The following LMLN variants were observed in gnomAD, a reference collection of about 807,000 sequenced individuals.
LMLN encodes leishmanolysin like peptidase, also known as leishmanolysin-like peptidase.
Under a neutral mutation model 92.3 loss-of-function variants are expected in LMLN, and 70 were observed. The observed-to-expected ratio is 0.76, with a 90% CI of 0.63 to 0.92. The LOEUF (loss-of-function observed/expected upper bound fraction) is 0.92. LMLN is among the 40% of genes least tolerant of loss of function. The pLI is 0.00. For synonymous variants in LMLN, 308 were observed against 296.2 expected, an observed-to-expected ratio of 1.04 and a Z score of -0.41; for missense variants, 691 against 814.6, an observed-to-expected ratio of 0.85 and a Z score of 1.85.
chr3:198,019,339 TGTGTAATTTGCAGAA>T lies in LMLN; in HGVS notation c.1322_1336del (p.Cys441_Lys445del). On this transcript the variant is annotated inframe_deletion, in exon 12 of 16. Coordinates refer to ENST00000330198, the Ensembl canonical transcript of LMLN. The surrounding 1 kb of genome is among the most constrained non-coding windows in gnomAD (Gnocchi z 5.5). ...AGACAGGACCAGAGAGCAGTTGCCG[TGTGTAATTTGCAGAA>T]GTTCCCTAAGCCTTTACCACAGGAA... 1 of 1,614,112 alleles carries T rather than the reference TGTGTAATTTGCAGAA, an allele frequency of 6.2e-7. No homozygotes were observed. The highest frequency in any genetic ancestry group is 8.5e-7 in the Non-Finnish European group (1 of 1,180,008).
rs548442059 is a variant in LMLN at position 197,961,105 on chromosome 3, G to T, written c.219+665G>T. 2.6e-5 allele frequency among the ~76,000 whole-genome samples: 4 copies of T among 152,202 alleles called. No individual in the cohort carries two copies. In the South Asian group the frequency reaches 8.3e-4, roughly 32 times the overall value. On this transcript the variant is annotated intron_variant, in intron 1 of 15. Coordinates refer to ENST00000330198, the Ensembl canonical transcript of LMLN. ...GGCAGCCTGCTGAAACCACCACAGCGCAATATTCTTTTCATTAAAAAGTAC... is the reference window on the plus strand; with the variant it reads ...GGCAGCCTGCTGAAACCACCACAGCTCAATATTCTTTTCATTAAAAAGTAC...
intron 1 of LMLN, among the ~76,000 whole-genome samples, chr3:197,964,948 A>G (rs1003334335): frequency 6.6e-6 from 1 of 150,660 alleles, no homozygotes; most frequent in African/African-American, 2.4e-5. Flanking sequence ...TGGAGTTTGT[A>G]GTGAGCTGAG....
chr3:198,023,328 AC>A (rs1201462629), intron 13 of LMLN, among the ~76,000 whole-genome samples: 15 of 152,054 alleles, frequency 9.9e-5, no homozygotes, highest in African/African-American at 3.6e-4. Context: ...AGCCAGGACT[AC>A]AGGCATGCAC....
exon 1 of LMLN, chr3:197,960,277 A>T (rs760127799): frequency 9.3e-6 from 15 of 1,613,266 alleles, no homozygotes; most frequent in Non-Finnish European, 1.3e-5. Context: ...GGAGTGGGTT[A>T]CTCGGGCTCA....
chr3:197,999,125 A>T, intron 10 of LMLN, 141 bp from the exon 11 acceptor site: 1 of 652,934 alleles, frequency 1.5e-6, no homozygotes, highest in Non-Finnish European at 2.7e-6. Flanking sequence ...TTAAAGGTTT[A>T]TGTATTTCAC....
At chr3:197,985,822 C>G in exon 8 of LMLN, 1 of 1,613,436 alleles carries the variant, frequency 6.2e-7, no homozygotes. Flanking sequence ...TGTTTGCATT[C>G]TACCATGATA....
At chr3:197,996,394 C>G (rs1722018642) in intron 10 of LMLN, 112 bp downstream of exon 10, 2 of 578,050 alleles carry the variant, frequency 3.5e-6, no homozygotes, top group Middle Eastern at 3.8e-4. Context: ...TCCCTTTACC[C>G]CTTCAGCTCT....
In LMLN at chr3:197,997,397, G is replaced by T. The variant is rs1158880267; in HGVS notation, c.1155+1115G>T. ...AATTCACCCGCCTCAGCCTCCCAAA[G>T]TGTGGGGTTACGGGCATGCATTCCG... On this transcript the variant is annotated intron_variant, in intron 10 of 15. Transcript: ENST00000330198. 5.9e-5 allele frequency among the ~76,000 whole-genome samples: 9 copies of T among 152,174 alleles called. No individual in the cohort carries two copies. In the East Asian group the frequency reaches 1.7e-3, roughly 29 times the overall value.
chr3:197,989,871 A>C (rs1721817083), intron 8 of LMLN, among the ~76,000 whole-genome samples: 1 of 152,130 alleles, frequency 6.6e-6, no homozygotes, highest in Admixed American at 6.5e-5. Flanking sequence ...AAAAATAAAA[A>C]ATAAATTGAA....
At chr3:197,974,170 ACTTGAATTTATGGTT>A (rs1721304737) in intron 1 of LMLN, among the ~76,000 whole-genome samples, 192 bp from the exon 2 acceptor site, 1 of 152,214 alleles carries the variant, frequency 6.6e-6, no homozygotes, top group South Asian at 2.1e-4. Context: ...TAGTCATGTG[ACTTGAATTTATGGTT>A]CTTGCCTTCC....
chr3:198,043,029 G>A (rs1723450133), exon 16 of LMLN: 1 of 152,118 alleles, frequency 6.6e-6, no homozygotes, highest in South Asian at 2.1e-4. Context: ...GCCTATCTAG[G>A]CTTAAGGTTT....
At position 198,031,541 on chromosome 3, in the gene LMLN, A is replaced by G. The variant is rs1331375335; in HGVS notation, c.1657-4292A>G. Among the ~76,000 whole-genome samples, 1 of 152,022 alleles carries G rather than the reference A, an allele frequency of 6.6e-6. No individual in the cohort carries two copies. Among genetic ancestry groups the G allele is most frequent in the African/African-American group, 2.4e-5 (1 of 41,362 alleles). On this transcript the variant is annotated intron_variant, in intron 14 of 15. Coordinates refer to ENST00000330198, the Ensembl canonical transcript of LMLN. The surrounding 1 kb of genome is among the most constrained non-coding windows in gnomAD (Gnocchi z 4.8). ...GGGTATAGCTTTATTTTTGAAAATT[A>G]TTTTCCTAATGGATGATTGGGTGCA...
chr3:197,960,505 G>A (rs1720830733), intron 1 of LMLN, 65 bp downstream of exon 1: 3 of 1,465,180 alleles, frequency 2.0e-6, no homozygotes, highest in South Asian at 1.2e-5. Context: ...GCAGGCGTAG[G>A]AGATAGTGAC....
At chr3:198,038,491 C>A in intron 15 of LMLN, 76 bp from the exon 17 acceptor site, 1 of 1,029,286 alleles carries the variant, frequency 9.7e-7, no homozygotes, top group Non-Finnish European at 1.5e-6. Context: ...CACTGCTCTT[C>A]ATCTGTCAAT....
intron 11 of LMLN, among the ~76,000 whole-genome samples, chr3:198,010,754 T>C (rs1722411431): frequency 6.6e-6 from 1 of 152,196 alleles, no homozygotes; most frequent in African/African-American, 2.4e-5. Flanking sequence ...CCTGGCCTAT[T>C]TTTCTCTTCT....
chr3:198,036,087 A>G (rs6764197), intron 15 of LMLN, 44 bp downstream of exon 16: 85,156 of 1,521,804 alleles, frequency 0.056, 2,804 homozygotes, highest in African/African-American at 0.1. Flanking sequence ...AAAGTGAAGG[A>G]GGTGAACTTC....
chr3:198,003,069 G>A, intron 11 of LMLN: 1 of 1,551,412 alleles, frequency 6.4e-7, no homozygotes, highest in Non-Finnish European at 8.7e-7. Context: ...GCCGAGGAAT[G>A]GGCTGTGACT....
chr3:197,980,422 G>T (rs1386012257), exon 6 of LMLN: 1 of 1,613,852 alleles, frequency 6.2e-7, no homozygotes, highest in East Asian at 2.2e-5. Flanking sequence ...TCTTTACGTT[G>T]GTGCTCTGGC....
At chr3:197,986,520 A>G (rs1297042862) in intron 8 of LMLN, among the ~76,000 whole-genome samples, 2 of 152,224 alleles carry the variant, frequency 1.3e-5, no homozygotes, top group Non-Finnish European at 2.9e-5. Flanking sequence ...CAGTTGTTAC[A>G]GATATAAAGA....
Sources: gnomAD v4.1 joint callset for allele counts (sites outside exome capture counted in the v4.1 genomes callset) on GRCh38, gnomAD v4.1.1 for gene constraint, Gnocchi (gnomAD v3.1) non-coding constraint, MANE v1.5 for transcripts, NCBI Gene and HGNC (gene_info 2026-07-23, HGNC 2026-07-21) for gene names.